RP1: variants seen among roughly 807,000 people sequenced by gnomAD.
RP1 encodes oxygen-regulated protein 1.
RP1 carries 16 observed loss-of-function variants against 14.8 expected under a neutral mutation model. The ratio of observed to expected loss-of-function variants is 1.08; its 90% CI spans 0.73 to 1.65. RP1 has a LOEUF of 1.65. Among genes scored for constraint, RP1 ranks in the 40% most tolerant of loss-of-function variants. The probability of loss-of-function intolerance (pLI) is 0.00; values close to 1 mark genes in which losing one functional copy is unlikely to be tolerated. For missense variants in RP1, 2,631 were observed against 2,535.0 expected (o/e 1.04, Z -0.81); for synonymous variants, 876 against 883.6 (o/e 0.99, Z 0.15).
At chr8:54,713,700 C>T (rs1343782781) in intron 15 of RP1, among the ~76,000 whole-genome samples, 5 of 152,088 alleles carry the variant, frequency 3.3e-5, no homozygotes, top group African/African-American at 1.2e-4. Context: ...CGGTGCTAGA[C>T]CAGTGGGTTG....
intron 22 of RP1, among the ~76,000 whole-genome samples, chr8:54,762,760 G>A (rs533634191): frequency 1.2e-4 from 18 of 152,206 alleles, no homozygotes; most frequent in South Asian, 1.0e-3. Context: ...AGGTGTCATC[G>A]GGGCCTCACT....
chr8:54,657,423 C>T (rs148967231), intron 6 of RP1, among the ~76,000 whole-genome samples: 104 of 152,238 alleles, frequency 6.8e-4, no homozygotes, highest in African/African-American at 2.4e-3. Context: ...TTTTCAGTTT[C>T]AGGACATGGC....
chr8:54,581,476 G>A (rs1804791267), intron 1 of RP1, among the ~76,000 whole-genome samples: 1 of 152,304 alleles, frequency 6.6e-6, no homozygotes, highest in Admixed American at 6.5e-5. Flanking sequence ...ACGTGTGCAT[G>A]TGTCTTTATA....
Position 54,628,443 on chromosome 8 carries a change from A to C in RP1, c.4561A>C (p.Asn1521His), listed in dbSNP as rs1806144695. ...GAATATTATGGAAGAAAAAAGAATG[A>C]ACGGTATAATTTATGAAATAATCAG... ...SKNIMEEKRM[N>H]GIIYEIISKR... The change falls in exon 4 of 4, where the codon AAC (asparagine) becomes CAC (histidine). Residue 1521 changes from asparagine to histidine, a missense_variant. By Grantham distance (68) the Asn-to-His change is moderately conservative (BLOSUM62 1). Coordinates refer to ENST00000220676, the MANE Select transcript of RP1 (RefSeq NM_006269.2). 4.3e-6 allele frequency: 7 copies of C among 1,613,380 alleles called. No homozygotes were observed. Among genetic ancestry groups the C allele is most frequent in the African/African-American group, 1.3e-5 (1 of 74,856 alleles).
At chr8:54,610,450 G>A (rs916021522) in intron 1 of RP1, among the ~76,000 whole-genome samples, 4 of 152,122 alleles carry the variant, frequency 2.6e-5, no homozygotes, top group Non-Finnish European at 5.9e-5. Flanking sequence ...CAGTATATCA[G>A]TGCATCACGT....
intron 16 of RP1, among the ~76,000 whole-genome samples, chr8:54,722,221 A>AG (rs1808552446): frequency 6.6e-6 from 1 of 151,584 alleles, no homozygotes; most frequent in South Asian, 2.1e-4. Context: ...AAAAAAAAAA[A>AG]AGTTTATAGT....
intron 24 of RP1, among the ~76,000 whole-genome samples, chr8:54,816,580 C>T (rs752029051): frequency 6.6e-6 from 1 of 152,196 alleles, no homozygotes; most frequent in Non-Finnish European, 1.5e-5. Context: ...ATTCTCCTTG[C>T]CTTCATTTCC....
chr8:54,743,555 A>T (rs557616762), intron 19 of RP1, among the ~76,000 whole-genome samples: 1 of 152,174 alleles, frequency 6.6e-6, no homozygotes, highest in South Asian at 2.1e-4. Context: ...ACTTTATTTG[A>T]TGGGTTAATC....
Position 54,627,240 on chromosome 8 carries a change from G to C in RP1, c.3358G>C (p.Ala1120Pro), listed in dbSNP as rs375125004. 7 of 1,614,062 alleles carry C rather than the reference G, an allele frequency of 4.3e-6. No individual in the cohort carries two copies. The highest frequency in any genetic ancestry group is 5.1e-6 in the Non-Finnish European group (6 of 1,179,976). Residue 1120 changes from alanine (A) to proline (P), a missense_variant, in exon 4 of 4, where the codon GCA becomes CCA. Transcript: ENST00000220676. ...ACTTGCAGGTGTTCCCTTTCATTCT[G>C]CAATATGTAATTCATCCACTAATCT... ...GSLAGVPFHS[A>P]ICNSSTNLLL... is the part of the protein sequence containing the mutation.
chr8:54,812,631 CT>C (rs1811026369), intron 24 of RP1, among the ~76,000 whole-genome samples: 1 of 152,068 alleles, frequency 6.6e-6, no homozygotes, highest in Non-Finnish European at 1.5e-5. Context: ...TTTCTTTTGC[CT>C]CATAAGCACA....
Position 54,630,604 on chromosome 8 carries a change from T to C in RP1, c.*251T>C. ...CTGGTTTTGTTCTGAACTTACATTT[T>C]TTTTTTTTTTGGTATCTATGATTTT... On this transcript the variant is annotated 3_prime_UTR_variant, in exon 4 of 4. Coordinates refer to ENST00000220676, the MANE Select transcript of RP1 (RefSeq NM_006269.2). 8.1e-7 allele frequency: 1 copy of C among 1,233,636 alleles called. No homozygotes were observed. The highest frequency in any genetic ancestry group is 4.2e-5 in the East Asian group (1 of 23,836). The allele number at this position is 1,233,636 out of a possible 1,614,324, so 76.4% of individuals were successfully genotyped here.
rs1339810780 is a variant in RP1, at chr8:54,662,390, C to G, written c.1172-1309C>G. 2.0e-5 allele frequency among the ~76,000 whole-genome samples: 3 copies of G among 152,028 alleles called. No individual in the cohort carries two copies. In the East Asian group the frequency reaches 5.8e-4, roughly 29 times the overall value. On this transcript the variant is annotated intron_variant, in intron 6 of 22. Transcript: ENST00000636932. The stretch of plus-strand genomic sequence containing the variant: ...TTCTTTTGGTCCTTTGCTTAGAAAA[C>G]TGAGGCTTTGGTTATCCTGTTGTGC...
chr8:54,745,887 GC>G (rs748953294), intron 19 of RP1, among the ~76,000 whole-genome samples: 11 of 152,098 alleles, frequency 7.2e-5, no homozygotes, highest in Non-Finnish European at 1.6e-4. Context: ...CTGCATCAGA[GC>G]TAAAGCAAAA....
intron 3 of RP1, among the ~76,000 whole-genome samples, chr8:54,636,033 G>A (rs780521966): frequency 7.9e-5 from 12 of 152,042 alleles, no homozygotes; most frequent in Non-Finnish European, 1.6e-4. Flanking sequence ...GCCTCTTTCT[G>A]TTGGCACCCC....
chr8:54,715,333 A>G (rs985272396), intron 15 of RP1, among the ~76,000 whole-genome samples: 2 of 152,214 alleles, frequency 1.3e-5, no homozygotes, highest in Non-Finnish European at 2.9e-5. Flanking sequence ...TCCCATCTAC[A>G]TCTCTTTAAT....
chr8:54,654,908 A>G (rs946099519), intron 5 of RP1, among the ~76,000 whole-genome samples: 4 of 152,148 alleles, frequency 2.6e-5, no homozygotes, highest in African/African-American at 4.8e-5. Flanking sequence ...TGGGCCCACA[A>G]AGTGCTGGGA....
chr8:54,746,662 CT>C (rs1038141888), intron 19 of RP1, among the ~76,000 whole-genome samples: 2 of 151,940 alleles, frequency 1.3e-5, no homozygotes, highest in African/African-American at 4.8e-5. Context: ...CTTAGGTTTT[CT>C]TTTTTTTATT....
At chr8:54,747,759 G>A (rs1272082789) in intron 19 of RP1, among the ~76,000 whole-genome samples, 1 of 152,096 alleles carries the variant, frequency 6.6e-6, no homozygotes, top group Admixed American at 6.5e-5. Flanking sequence ...AAATTAGCTG[G>A]GTGTGCTGCA....
chr8:54,675,272 C>T lies in RP1; in HGVS notation c.1402+1344C>T, dbSNP rs145495222. On this transcript the variant is annotated intron_variant, in intron 8 of 22. Transcript: ENST00000636932. ...TCAAGACAACAAGCATTAAAAGTTA[C>T]AAGAAGGGTAATTTTTTGGTAAAGT... is the stretch of plus-strand genomic sequence containing the variant. Among the ~76,000 whole-genome samples the T allele has an allele frequency of 1.3e-3, 196 of 152,128 alleles. 1 individual carries two copies. The highest frequency in any genetic ancestry group is 4.3e-3 in the African/African-American group (180 of 41,526).
Sources: allele counts gnomAD v4.1 joint callset (sites outside exome capture counted in the v4.1 genomes callset), GRCh38; gene constraint gnomAD v4.1.1; transcripts MANE v1.5; gene names NCBI Gene and HGNC (gene_info 2026-07-23, HGNC 2026-07-21).